ZNF773: variants seen among roughly 807,000 people sequenced by gnomAD.
ZNF773 encodes the protein zinc finger protein 773.
A neutral mutation model predicts 12.8 loss-of-function variants in ZNF773; 11 were observed. The observed-to-expected ratio is 0.86, with a 90% CI of 0.54 to 1.42. The LOEUF (loss-of-function observed/expected upper bound fraction) is 1.42, where lower values mean the gene tolerates loss of function less well. Ranked by LOEUF, ZNF773 falls within the 40% of genes most tolerant of loss-of-function variation. ZNF773 has a pLI of 0.00. For missense variants in ZNF773, 518 were observed against 527.2 expected, an observed-to-expected ratio of 0.98 and a Z score of 0.17; for synonymous variants, 175 against 178.4, an observed-to-expected ratio of 0.98 and a Z score of 0.15.
At position 57,507,195 on chromosome 19, in the gene ZNF773, T is replaced by G. The variant is rs2089749171; in HGVS notation, c.1100T>G (p.Phe367Cys). The part of the protein sequence containing the change: ...RPYECSECGK[F>C]FSQSSSLMQH... ...TATGAGTGCAGTGAATGTGGGAAAT[T>G]TTTTAGCCAAAGCTCAAGCCTCATG... Residue 367 changes from phenylalanine (F) to cysteine (C), a missense_variant, in exon 4 of 4, where the codon TTT becomes TGT. Coordinates refer to ENST00000282292, the MANE Select transcript of ZNF773 (RefSeq NM_198542.3). The G allele has an allele frequency of 6.2e-7, 1 of 1,614,082 alleles. No individual in the cohort carries two copies. The highest frequency in any genetic ancestry group is 1.1e-5 in the South Asian group (1 of 91,070).
chr19:57,515,941 G>C (rs2089828959), downstream of ZNF773: 1 of 152,230 alleles, frequency 6.6e-6, no homozygotes, highest in South Asian at 2.1e-4. Flanking sequence ...AAATGTTAGA[G>C]GGAAAAAGGA....
chr19:57,509,349 A>G (rs1208155335), downstream of ZNF773, among the ~76,000 whole-genome samples: 3 of 152,370 alleles, frequency 2.0e-5, no homozygotes, highest in East Asian at 5.8e-4. Context: ...TATATAGATA[A>G]TGTGTACATA....
downstream of ZNF773, chr19:57,515,339 C>T (rs2089825074): frequency 6.6e-6 from 1 of 152,226 alleles, no homozygotes; most frequent in Non-Finnish European, 1.5e-5. Context: ...ATTCCTGCAT[C>T]AAAACACCTC....
chr19:57,508,068 G>A lies in ZNF773; in HGVS notation c.*644G>A, dbSNP rs185043106. On this transcript the variant is annotated 3_prime_UTR_variant, in exon 4 of 4. Coordinates refer to ENST00000282292, the MANE Select transcript of ZNF773 (RefSeq NM_198542.3). ...AGGCAGGAGATTTGCTTGAACCCGGGAGGCGGAGGTTGCATTGAGCCGAGA... is the reference window on the plus strand; with the variant it reads ...AGGCAGGAGATTTGCTTGAACCCGGAAGGCGGAGGTTGCATTGAGCCGAGA... 4.3e-3 allele frequency: 2,425 copies of A among 560,094 alleles called. 11 individuals carry two copies. The highest frequency in any genetic ancestry group is 4.7e-3 in the Non-Finnish European group (2,104 of 443,718). The allele number at this position is 560,094 out of a possible 1,614,324, so 34.7% of individuals were successfully genotyped here.
intron 1 of ZNF773, among the ~76,000 whole-genome samples, chr19:57,501,183 A>G (rs2089665713): frequency 6.6e-6 from 1 of 152,172 alleles, no homozygotes; most frequent in Non-Finnish European, 1.5e-5. Context: ...CAACTGCTCC[A>G]GTAGAAGGGA....
chr19:57,510,125 T>A (rs2089783536), downstream of ZNF773, among the ~76,000 whole-genome samples: 1 of 152,230 alleles, frequency 6.6e-6, no homozygotes, highest in Non-Finnish European at 1.5e-5. Context: ...AAAGCCTTTT[T>A]AAATAAACTT....
At chr19:57,505,532 C>T in intron 3 of ZNF773, 132 bp downstream of exon 3, 1 of 1,036,012 alleles carries the variant, frequency 9.7e-7, no homozygotes. Context: ...TCTTTTCTTC[C>T]TCAGTCACCC....
chr19:57,501,149 A>T (rs2089665305), intron 1 of ZNF773, among the ~76,000 whole-genome samples: 1 of 152,200 alleles, frequency 6.6e-6, no homozygotes, highest in Non-Finnish European at 1.5e-5. Context: ...AAGTTTCCCT[A>T]GCTATCAGCA....
downstream of ZNF773, chr19:57,512,961 G>T: frequency 6.7e-7 from 1 of 1,482,942 alleles, no homozygotes; most frequent in South Asian, 1.4e-5. Flanking sequence ...GGAGCCCTCT[G>T]ACCCCTTCTT....
chr19:57,502,275 C>T (rs922025831), intron 1 of ZNF773, among the ~76,000 whole-genome samples: 2 of 152,154 alleles, frequency 1.3e-5, no homozygotes, highest in African/African-American at 4.8e-5. Context: ...GTTCTCATTT[C>T]TGGCAACCAA....
In ZNF773 at chr19:57,500,608, T is replaced by A. The variant is rs374203260; in HGVS notation, c.33+495T>A. On this transcript the variant is annotated intron_variant, in intron 1 of 3. Coordinates refer to ENST00000282292, the MANE Select transcript of ZNF773 (RefSeq NM_198542.3). Reference sequence around the variant, plus strand: ...GGAAGTGATCAGATCTTGGATGGATTTCAAAAACTGAACAGACGGGAATTC... The same window carrying A: ...GGAAGTGATCAGATCTTGGATGGATATCAAAAACTGAACAGACGGGAATTC... Among the ~76,000 whole-genome samples the A allele has an allele frequency of 2.1e-3, 323 of 152,190 alleles. 1 individual carries two copies. The highest frequency in any genetic ancestry group is 0.013 in the East Asian group (69 of 5,150).
At chr19:57,516,908 C>A (rs192893027), downstream of ZNF773, 2 of 152,350 alleles carry the variant, frequency 1.3e-5, no homozygotes, top group East Asian at 3.9e-4. Flanking sequence ...ACTTGAACAT[C>A]TCTTCGCTAC....
chr19:57,508,992 G>T (rs577517078), downstream of ZNF773, among the ~76,000 whole-genome samples: 8 of 152,140 alleles, frequency 5.3e-5, no homozygotes, highest in South Asian at 1.7e-3. Flanking sequence ...TAGAGTTGAG[G>T]TCTTGGTATG....
chr19:57,512,400 ATTTT>A (rs747914066), downstream of ZNF773, among the ~76,000 whole-genome samples: 24,165 of 112,668 alleles, frequency 0.21, 1,939 homozygotes, highest in African/African-American at 0.25. Flanking sequence ...AAGATGCAGT[ATTTT>A]TTTTTTTTTT....
At chr19:57,513,117 A>C, downstream of ZNF773, 1 of 1,459,384 alleles carries the variant, frequency 6.9e-7, no homozygotes, top group Non-Finnish European at 9.1e-7. Flanking sequence ...AAGAATGAGA[A>C]ACCCCAGGAC....
At chr19:57,508,475 T>A (rs1568582710), downstream of ZNF773, 2 of 694,712 alleles carry the variant, frequency 2.9e-6, no homozygotes, top group Non-Finnish European at 5.2e-6. Context: ...TAAACCCTTA[T>A]GTCCGCTTCC....
At chr19:57,512,173 T>C (rs1324390029), downstream of ZNF773, among the ~76,000 whole-genome samples, 1 of 152,200 alleles carries the variant, frequency 6.6e-6, no homozygotes, top group African/African-American at 2.4e-5. Flanking sequence ...TCAATAAATA[T>C]ATTGGAAAGT....
chr19:57,508,427 T>C (rs572115185), downstream of ZNF773: 2 of 651,236 alleles, frequency 3.1e-6, no homozygotes, highest in South Asian at 3.4e-5. Flanking sequence ...GCTGTTCTTA[T>C]GAATGTTAGA....
chr19:57,512,271 C>T (rs1395003286), downstream of ZNF773, among the ~76,000 whole-genome samples: 1 of 151,950 alleles, frequency 6.6e-6, no homozygotes, highest in Non-Finnish European at 1.5e-5. Flanking sequence ...TATGTAGGTA[C>T]TATTTTATCA....
Sources: gnomAD v4.1 joint callset for allele counts (sites outside exome capture counted in the v4.1 genomes callset) on GRCh38, gnomAD v4.1.1 for gene constraint, MANE v1.5 for transcripts, NCBI Gene and HGNC (gene_info 2026-07-23, HGNC 2026-07-21) for gene names.